The following TRAP1 variants were observed in gnomAD, a reference collection of about 807,000 sequenced individuals.
The protein encoded by TRAP1 is TNF receptor associated protein 1, also known as heat shock protein 75 kDa, mitochondrial.
A neutral mutation model predicts 89.1 loss-of-function variants in TRAP1; 102 were observed. That is an observed-to-expected ratio of 1.15 (90% CI 0.98 to 1.35). The LOEUF is 1.35. Among genes scored for constraint, TRAP1 ranks in the 40% most tolerant of loss-of-function variants. The pLI is 0.00. For missense variants in TRAP1, 1,256 were observed against 945.3 expected (o/e 1.33, Z -4.31); for synonymous variants, 508 against 388.0 (o/e 1.31, Z -3.64).
intron 1 of TRAP1, chr16:3,710,282 G>C (rs985688064): frequency 1.3e-5 from 2 of 152,202 alleles, no homozygotes; most frequent in African/African-American, 4.8e-5. Context: ...ATGCTAACAA[G>C]TTTCCCAGCC....
rs772700840 is a variant in TRAP1 at position 3,679,740 on chromosome 16, C to T, written c.522G>A (p.Thr174=). Residue 174 remains threonine, a synonymous_variant, in exon 5 of 18, where the codon ACG becomes ACA. Coordinates refer to ENST00000246957, the MANE Select transcript of TRAP1 (RefSeq NM_016292.3). ...TTACCTTTGACCCCGATCTGGCAAT[C>T]GTCCCCAGGTTGGACACCAGCTCTT... ...TQEELVSNLG[T]IARSGSKAFL... 29 of 1,614,112 alleles carry T rather than the reference C, an allele frequency of 1.8e-5. 1 individual carries two copies. The South Asian group carries it at 2.2e-4, about 12-fold the overall frequency.
intron 1 of TRAP1, among the ~76,000 whole-genome samples, chr16:3,707,489 G>C (rs182245423): frequency 6.6e-6 from 1 of 151,460 alleles, no homozygotes; most frequent in East Asian, 2.0e-4. Context: ...CCGGCCTTAA[G>C]AGGAAATGTT....
intron 7 of TRAP1, among the ~76,000 whole-genome samples, chr16:3,675,765 C>G (rs1050255718): frequency 6.6e-6 from 1 of 152,204 alleles, no homozygotes; most frequent in African/African-American, 2.4e-5. Context: ...CTGCGCCAAA[C>G]CCCCAGGTGC....
rs2050772299 is a variant in TRAP1, at chr16:3,664,301, A to G, written c.1542T>C (p.Tyr514=). The G allele has an allele frequency of 6.2e-7, 1 of 1,605,854 alleles. No individual in the cohort carries two copies. The highest frequency in any genetic ancestry group is 8.5e-7 in the Non-Finnish European group (1 of 1,177,260). The change falls in exon 13 of 18, where the codon TAT becomes TAC. Residue 514 remains tyrosine, a synonymous_variant. Transcript: ENST00000246957. ...NRHLAEHSPY[Y]EAMKKKDTEV... ...CTGTGTCTTTCTTCTTCATGGCCTC[A>G]TAGTAGGGTGAGTGCTCTGCCAGGT... is the stretch of plus-strand genomic sequence containing the variant.
In TRAP1 at chr16:3,666,100, T is replaced by C; in HGVS notation, c.1254A>G (p.Leu418=). 6.2e-7 allele frequency: 1 copy of C among 1,612,336 alleles called. No individual in the cohort carries two copies. The highest frequency in any genetic ancestry group is 8.5e-7 in the Non-Finnish European group (1 of 1,179,538). Reference sequence around the variant, plus strand: ...TGAAGAATTTGATCAGCCTCTGCTGTAAAACGTCCCGGAGTTTCCTACAGA... The same window carrying C: ...TGAAGAATTTGATCAGCCTCTGCTGCAAAACGTCCCGGAGTTTCCTACAGA... ...SALIRKLRDV[L]QQRLIKFFID... The change falls in exon 12 of 18, where the codon TTA becomes TTG. Residue 418 remains leucine (L), a synonymous_variant. Coordinates refer to ENST00000246957, the MANE Select transcript of TRAP1 (RefSeq NM_016292.3).
chr16:3,702,089 T>C (rs2051373220), intron 1 of TRAP1, among the ~76,000 whole-genome samples: 1 of 151,914 alleles, frequency 6.6e-6, no homozygotes, highest in African/African-American at 2.4e-5. Flanking sequence ...GCACCTGTAA[T>C]CCCAGCCTGG....
chr16:3,663,242 CCT>C (rs1260446144), intron 14 of TRAP1, 180 bp downstream of exon 14: 1 of 778,574 alleles, frequency 1.3e-6, no homozygotes, highest in Non-Finnish European at 2.0e-6. Context: ...TGGACAGACC[CCT>C]GATATCTAAA....
chr16:3,692,085 G>A (rs542840212), intron 1 of TRAP1, among the ~76,000 whole-genome samples: 3 of 152,262 alleles, frequency 2.0e-5, no homozygotes, highest in Admixed American at 1.3e-4. Context: ...TTTGCAATAC[G>A]TGATGGTGTC....
intron 1 of TRAP1, among the ~76,000 whole-genome samples, chr16:3,702,771 G>A (rs117025072): frequency 0.046 from 6,869 of 149,996 alleles, 212 homozygotes; most frequent in Admixed American, 0.058. Flanking sequence ...AGCTGGGTGC[G>A]GTGGCTCACA....
chr16:3,663,318 G>A, intron 14 of TRAP1, 106 bp downstream of exon 14: 1 of 1,478,604 alleles, frequency 6.8e-7, no homozygotes, highest in Non-Finnish European at 9.1e-7. Flanking sequence ...GGGTGGCTGA[G>A]CCCAGGTCAA....
In TRAP1 at chr16:3,686,064, C is replaced by G; in HGVS notation, c.403G>C (p.Gly135Arg). ...EKLRHKLVSD[G>R]QALPEMEIHL... ...ATCTCCATTTCTGGCAGTGCTTGGC[C>G]GTCAGACACCAGTTTGTGACGCAGT... The change falls in exon 4 of 18, where the codon GGC becomes CGC. Residue 135 changes from glycine (G) to arginine (R), a missense_variant. Gly to Arg is a moderately radical substitution (Grantham distance 125, BLOSUM62 -2). Transcript: ENST00000246957. 1 of 1,614,070 alleles carries G rather than the reference C, an allele frequency of 6.2e-7. No homozygotes were observed. Among genetic ancestry groups the G allele is most frequent in the Non-Finnish European group, 8.5e-7 (1 of 1,179,998 alleles).
chr16:3,683,312 C>T (rs60446263), intron 4 of TRAP1, among the ~76,000 whole-genome samples: 3,548 of 151,912 alleles, frequency 0.023, 131 homozygotes, highest in African/African-American at 0.082. Flanking sequence ...ACTAAGGAAA[C>T]CTGAATAGAC....
At chr16:3,672,146 G>A (rs2050922534) in intron 10 of TRAP1, among the ~76,000 whole-genome samples, 2 of 152,128 alleles carry the variant, frequency 1.3e-5, no homozygotes, top group Non-Finnish European at 1.5e-5. Context: ...GACCAGCCCG[G>A]CAATTATGGT....
At chr16:3,677,767 AGC>A in intron 5 of TRAP1, 109 bp from the exon 6 acceptor site, 1 of 1,280,454 alleles carries the variant, frequency 7.8e-7, no homozygotes, top group Admixed American at 2.5e-5. Flanking sequence ...TCCTGAAAAC[AGC>A]CACACCGAGT....
At chr16:3,676,747 G>T (rs1178418154) in intron 6 of TRAP1, 1 of 152,576 alleles carries the variant, frequency 6.6e-6, no homozygotes, top group Middle Eastern at 3.4e-3. Context: ...CTGGCTGGAA[G>T]CGGCTCACCT....
At chr16:3,693,138 G>A (rs1364875913) in intron 1 of TRAP1, among the ~76,000 whole-genome samples, 3 of 150,422 alleles carry the variant, frequency 2.0e-5, no homozygotes, top group Non-Finnish European at 3.0e-5. Flanking sequence ...TAGTAGAGAC[G>A]AGGTTTCACC....
chr16:3,689,044 A>T lies in TRAP1; in HGVS notation c.330+11T>A, dbSNP rs767069672. The T allele has an allele frequency of 6.2e-7, 1 of 1,606,994 alleles. No homozygotes were observed. Among genetic ancestry groups the T allele is most frequent in the Non-Finnish European group, 8.5e-7 (1 of 1,176,392 alleles). ...TTTGCTAGCATCGGGCATGGTTAGC[A>T]GGGAACGCACCTCTTTTTCTGAGTA... On this transcript the variant is annotated intron_variant, in intron 3 of 17. Transcript: ENST00000246957.
chr16:3,703,138 T>C (rs1204448672), intron 1 of TRAP1, among the ~76,000 whole-genome samples: 1 of 121,232 alleles, frequency 8.2e-6, no homozygotes, highest in African/African-American at 3.2e-5. Flanking sequence ...AGTTAGAAAA[T>C]ATGACATAAG....
chr16:3,671,933 CGG>C (rs1270540123), intron 10 of TRAP1, 142 bp from the exon 11 acceptor site: 1 of 861,664 alleles, frequency 1.2e-6, no homozygotes, highest in Non-Finnish European at 1.8e-6. Context: ...GCGGCACTGC[CGG>C]AGCTTCCTCT....
Sources: allele counts gnomAD v4.1 joint callset (sites outside exome capture counted in the v4.1 genomes callset), GRCh38; gene constraint gnomAD v4.1.1; transcripts MANE v1.5; gene names NCBI Gene and HGNC (gene_info 2026-07-23, HGNC 2026-07-21).